Variants in CSMD1 observed in about 807,000 individuals in gnomAD.
The protein encoded by CSMD1 is CUB and sushi domain-containing protein 1.
A neutral mutation model predicts 417.5 loss-of-function variants in CSMD1; 213 were observed. The ratio of observed to expected loss-of-function variants is 0.51; its 90% confidence interval spans 0.46 to 0.57. The LOEUF (loss-of-function observed/expected upper bound fraction) is 0.57. Ranked by LOEUF, CSMD1 falls within the 20% of genes least tolerant of loss-of-function variation. The probability of loss-of-function intolerance (pLI) is 0.00; values close to 1 mark genes in which losing one functional copy is unlikely to be tolerated. For missense variants in CSMD1, 6,923 were observed against 4,529.7 expected (o/e 1.53, Z -15.17); for synonymous variants, 2,862 against 1,736.8 (o/e 1.65, Z -16.11).
chr8:4,187,366 G>T (rs749601000), intron 3 of CSMD1, among the ~76,000 whole-genome samples: 1 of 152,130 alleles, frequency 6.6e-6, no homozygotes, highest in Non-Finnish European at 1.5e-5. Flanking sequence ...TAGCATTTGG[G>T]CCAGGCACGG....
chr8:3,397,386 G>C (rs953214395), intron 16 of CSMD1, among the ~76,000 whole-genome samples: 5 of 152,180 alleles, frequency 3.3e-5, no homozygotes, highest in Non-Finnish European at 7.4e-5. Flanking sequence ...TGAAACCAAA[G>C]GGCTGTGTCC....
chr8:4,024,167 T>C (rs1005801599), intron 4 of CSMD1, among the ~76,000 whole-genome samples: 1 of 152,154 alleles, frequency 6.6e-6, no homozygotes, highest in African/African-American at 2.4e-5. Context: ...GAATCAGTTG[T>C]ATTATTCCAG....
intron 41 of CSMD1, among the ~76,000 whole-genome samples, chr8:3,121,385 T>C (rs1275736324): frequency 6.6e-6 from 1 of 151,764 alleles, no homozygotes; most frequent in Non-Finnish European, 1.5e-5. Context: ...ACAAGAAAAA[T>C]CGAGATCAGA....
At chr8:3,487,276 T>A (rs901747901) in intron 11 of CSMD1, among the ~76,000 whole-genome samples, 7 of 152,064 alleles carry the variant, frequency 4.6e-5, no homozygotes, top group Non-Finnish European at 8.8e-5. Context: ...ATCTTGGCTC[T>A]CTGCAAGCTC....
At chr8:3,013,044 G>T (rs1310506485) in intron 52 of CSMD1, among the ~76,000 whole-genome samples, 1 of 152,130 alleles carries the variant, frequency 6.6e-6, no homozygotes, top group African/African-American at 2.4e-5. Context: ...CACCATGATT[G>T]TGAAGCCTCC....
intron 26 of CSMD1, among the ~76,000 whole-genome samples, chr8:3,241,356 G>A (rs993043741): frequency 2.0e-5 from 3 of 151,912 alleles, no homozygotes; most frequent in African/African-American, 7.3e-5. Context: ...AAGGTAATGT[G>A]GAGTGGGTAG....
intron 1 of CSMD1, among the ~76,000 whole-genome samples, chr8:4,754,534 T>C (rs998354727): frequency 6.8e-6 from 1 of 146,898 alleles, no homozygotes. Flanking sequence ...GTCTATGTAC[T>C]GCACACTTTG....
At chr8:4,994,133 G>T (rs991837894) in intron 1 of CSMD1, among the ~76,000 whole-genome samples, 199 bp downstream of exon 1, 1 of 152,098 alleles carries the variant, frequency 6.6e-6, no homozygotes, top group African/African-American at 2.4e-5. Context: ...GCGGGGTGGG[G>T]CGGGGGCCCA....
intron 8 of CSMD1, among the ~76,000 whole-genome samples, chr8:3,589,523 G>C (rs753235822): frequency 2.6e-5 from 4 of 152,052 alleles, no homozygotes; most frequent in Non-Finnish European, 4.4e-5. Flanking sequence ...AAATGAACCA[G>C]GCACAGAAAG....
At chr8:4,841,413 T>G (rs1290180173) in intron 1 of CSMD1, among the ~76,000 whole-genome samples, 1 of 152,150 alleles carries the variant, frequency 6.6e-6, no homozygotes, top group Non-Finnish European at 1.5e-5. Flanking sequence ...CTTTTTATTC[T>G]AAAAATATAA....
intron 2 of CSMD1, among the ~76,000 whole-genome samples, chr8:4,446,744 T>C (rs1047242372): frequency 8.4e-6 from 1 of 118,568 alleles, no homozygotes; most frequent in Non-Finnish European, 1.7e-5. Context: ...TGTGTGTGTG[T>C]GTGTGTGTGT....
At chr8:4,164,874 C>A (rs556491934) in intron 3 of CSMD1, among the ~76,000 whole-genome samples, 8 of 88,372 alleles carry the variant, frequency 9.1e-5, no homozygotes, top group Non-Finnish European at 1.3e-4. Context: ...AAGACTCCAT[C>A]TCAAAGAAAA....
intron 41 of CSMD1, among the ~76,000 whole-genome samples, chr8:3,123,691 AT>A (rs1817335701): frequency 1.3e-5 from 2 of 152,226 alleles, no homozygotes. Flanking sequence ...CCTCATCTTC[AT>A]TAGAAGATTT....
In CSMD1 at chr8:4,146,592, ACATTTTTTTTT is replaced by A. The variant is rs1251759439; in HGVS notation, c.416-114504_416-114494del. On this transcript the variant is annotated intron_variant, in intron 3 of 69. Coordinates refer to ENST00000635120, the MANE Select transcript of CSMD1 (RefSeq NM_033225.6). ...TATCTGTCTAAATGTTTATATGGAC[ACATTTTTTTTT>A]TTTTTTTTTTTTTTTTTTTTTTTTT... Among the ~76,000 whole-genome samples the A allele has an allele frequency of 5.4e-3, 309 of 56,856 alleles. 20 individuals carry two copies. The highest frequency in any genetic ancestry group is 0.013 in the African/African-American group (292 of 22,812). 37.3% of individuals were successfully genotyped at this position (56,856 alleles called of 152,430 possible).
chr8:3,457,182 C>G (rs1190868776), intron 12 of CSMD1, among the ~76,000 whole-genome samples: 1 of 150,916 alleles, frequency 6.6e-6, no homozygotes, highest in Non-Finnish European at 1.5e-5. Flanking sequence ...CTGGACTCCT[C>G]ATCGTGGACT....
intron 7 of CSMD1, among the ~76,000 whole-genome samples, chr8:3,630,473 G>A (rs1796723349): frequency 6.6e-6 from 1 of 152,184 alleles, no homozygotes; most frequent in African/African-American, 2.4e-5. Flanking sequence ...GAGAAAGCAT[G>A]AAAGATGCTT....
intron 2 of CSMD1, among the ~76,000 whole-genome samples, chr8:4,496,289 G>T (rs1275271949): frequency 6.6e-6 from 1 of 152,194 alleles, no homozygotes; most frequent in Non-Finnish European, 1.5e-5. Flanking sequence ...AAGGTGGATT[G>T]AAGTGTGAAC....
intron 3 of CSMD1, among the ~76,000 whole-genome samples, chr8:4,070,615 C>T (rs1184385720): frequency 2.0e-5 from 3 of 152,168 alleles, no homozygotes; most frequent in South Asian, 2.1e-4. Flanking sequence ...CCTCGGCCTC[C>T]CAAAGTGCTG....
intron 3 of CSMD1, among the ~76,000 whole-genome samples, chr8:4,280,268 A>G (rs754522687): frequency 6.6e-6 from 1 of 152,216 alleles, no homozygotes; most frequent in Non-Finnish European, 1.5e-5. Flanking sequence ...GCAGTATTTG[A>G]TATTAGCACG....
Sources: allele counts gnomAD v4.1 joint callset (sites outside exome capture counted in the v4.1 genomes callset), GRCh38; gene constraint gnomAD v4.1.1; transcripts MANE v1.5; gene names NCBI Gene and HGNC (gene_info 2026-07-23, HGNC 2026-07-21).